The following RPS6KC1 variants were observed in gnomAD, a reference collection of about 807,000 sequenced individuals.
The protein encoded by RPS6KC1 is ribosomal protein S6 kinase C1.
Under a neutral mutation model 103.8 loss-of-function variants are expected in RPS6KC1, and 54 were observed. That is an observed-to-expected ratio of 0.52 (90% CI 0.42 to 0.65). RPS6KC1 has a LOEUF of 0.65. Among genes scored for constraint, RPS6KC1 ranks in the 30% least tolerant of loss-of-function variants. RPS6KC1 has a pLI of 0.00. For missense variants in RPS6KC1, 1,151 were observed against 1,253.8 expected (o/e 0.92, Z 1.24); for synonymous variants, 439 against 438.7 (o/e 1.00, Z -0.01).
chr1:213,375,006 TACAC>T, the RPS6KC1 span, among the ~76,000 whole-genome samples: 1 of 151,520 alleles, frequency 6.6e-6, no homozygotes, highest in African/African-American at 2.4e-5. Flanking sequence ...CACACATACA[TACAC>T]ACACATACAT....
At chr1:213,304,689 G>A in the RPS6KC1 span, among the ~76,000 whole-genome samples, 1 of 151,544 alleles carries the variant, frequency 6.6e-6, no homozygotes, top group Admixed American at 6.6e-5. Flanking sequence ...ATTACAGCAT[G>A]TGCCACCATG....
the RPS6KC1 span, among the ~76,000 whole-genome samples, chr1:213,424,792 G>A: frequency 6.6e-6 from 1 of 152,258 alleles, no homozygotes; most frequent in Non-Finnish European, 1.5e-5. Context: ...GAAGCAGGAT[G>A]AGGTGTAGCA....
the RPS6KC1 span, among the ~76,000 whole-genome samples, chr1:213,739,208 T>G: frequency 6.6e-6 from 1 of 152,236 alleles, no homozygotes; most frequent in Non-Finnish European, 1.5e-5. Context: ...CATTTTCACT[T>G]AATGAATAGT....
the RPS6KC1 span, among the ~76,000 whole-genome samples, chr1:213,434,248 G>T: frequency 2.0e-5 from 3 of 151,900 alleles, no homozygotes; most frequent in Non-Finnish European, 4.4e-5. Context: ...CAGATATCCT[G>T]GTGATGAATT....
chr1:213,352,273 G>A, the RPS6KC1 span, among the ~76,000 whole-genome samples: 117 of 152,124 alleles, frequency 7.7e-4, no homozygotes, highest in African/African-American at 2.7e-3. Context: ...GAACTGAGGC[G>A]TTCTTCAATA....
At chr1:213,784,146 TG>T in the RPS6KC1 span, among the ~76,000 whole-genome samples, 1 of 152,208 alleles carries the variant, frequency 6.6e-6, no homozygotes, top group Non-Finnish European at 1.5e-5. Flanking sequence ...AGCACCCACT[TG>T]ATGCTGACAG....
the RPS6KC1 span, among the ~76,000 whole-genome samples, chr1:213,430,502 A>G: frequency 6.6e-6 from 1 of 152,198 alleles, no homozygotes; most frequent in African/African-American, 2.4e-5. Context: ...TTTTGTGTTT[A>G]TCTACTGTTT....
chr1:213,734,395 C>A, the RPS6KC1 span, among the ~76,000 whole-genome samples: 2 of 152,088 alleles, frequency 1.3e-5, no homozygotes, highest in African/African-American at 4.8e-5. Context: ...AGAATAATTA[C>A]CCATGTTTTA....
the RPS6KC1 span, among the ~76,000 whole-genome samples, chr1:213,302,854 T>C: frequency 1.3e-5 from 2 of 152,246 alleles, no homozygotes; most frequent in Non-Finnish European, 1.5e-5. Flanking sequence ...ATATTTTGTA[T>C]ATATTATTCT....
the RPS6KC1 span, among the ~76,000 whole-genome samples, chr1:213,599,472 G>A: frequency 2.0e-5 from 3 of 151,894 alleles, no homozygotes; most frequent in Admixed American, 6.6e-5. Context: ...TAGAACGAGG[G>A]GGGGAAAAAC....
the RPS6KC1 span, among the ~76,000 whole-genome samples, chr1:213,524,158 C>T: frequency 1.3e-5 from 2 of 152,092 alleles, no homozygotes; most frequent in Admixed American, 6.5e-5. Context: ...TGATGGCTGC[C>T]GGAGATGCCC....
chr1:213,808,189 G>A, the RPS6KC1 span, among the ~76,000 whole-genome samples: 1 of 86,930 alleles, frequency 1.2e-5, no homozygotes, highest in Non-Finnish European at 1.8e-5. Flanking sequence ...TGCCCCTACT[G>A]GGGGGGTGCC....
At chr1:213,267,244 C>T (rs1201213169) in intron 14 of RPS6KC1, among the ~76,000 whole-genome samples, 1 of 151,662 alleles carries the variant, frequency 6.6e-6, no homozygotes, top group Non-Finnish European at 1.5e-5. Context: ...CACTGGTTGA[C>T]CCATAGGCTA....
chr1:213,796,668 C>T, the RPS6KC1 span, among the ~76,000 whole-genome samples: 1 of 152,124 alleles, frequency 6.6e-6, no homozygotes, highest in Non-Finnish European at 1.5e-5. Flanking sequence ...TGTGCCATGT[C>T]TCATATCCAC....
chr1:213,131,833 G>A (rs1256649624), intron 6 of RPS6KC1, among the ~76,000 whole-genome samples: 2 of 152,106 alleles, frequency 1.3e-5, no homozygotes, highest in African/African-American at 4.8e-5. Flanking sequence ...ATTTTGGGTT[G>A]GGAGTTTAAA....
At chr1:213,079,635 C>G (rs2079670604) in intron 3 of RPS6KC1, among the ~76,000 whole-genome samples, 1 of 152,020 alleles carries the variant, frequency 6.6e-6, no homozygotes, top group Admixed American at 6.6e-5. Flanking sequence ...CCAGGCTGGT[C>G]TTGAACTCCT....
the RPS6KC1 span, among the ~76,000 whole-genome samples, chr1:213,501,854 A>G: frequency 3.8e-3 from 574 of 152,352 alleles, 1 homozygote; most frequent in Middle Eastern, 0.027. Context: ...TTTTTAATCT[A>G]TCTTAAATAG....
the RPS6KC1 span, among the ~76,000 whole-genome samples, chr1:213,651,430 C>G: frequency 4.6e-5 from 7 of 152,190 alleles, no homozygotes; most frequent in East Asian, 9.6e-4. Flanking sequence ...TTTTAGGCAG[C>G]CTTGAAGGCA....
chr1:213,782,554 A>T, the RPS6KC1 span, among the ~76,000 whole-genome samples: 1 of 152,154 alleles, frequency 6.6e-6, no homozygotes, highest in Non-Finnish European at 1.5e-5. Context: ...GCAAGCAGTT[A>T]AAAAGTAAAA....
Sources: allele counts gnomAD v4.1 joint callset (sites outside exome capture counted in the v4.1 genomes callset), GRCh38; gene constraint gnomAD v4.1.1; transcripts MANE v1.5; gene names NCBI Gene and HGNC (gene_info 2026-07-23, HGNC 2026-07-21).